The following BRIP1 variants were observed in gnomAD, a reference collection of about 807,000 sequenced individuals.
BRIP1 encodes BRCA1 interacting DNA helicase 1, also known as Fanconi anemia group J protein.
Under a neutral mutation model 119.7 loss-of-function variants are expected in BRIP1, and 88 were observed. That is an observed-to-expected ratio of 0.74 (90% CI 0.62 to 0.88). The LOEUF (loss-of-function observed/expected upper bound fraction) is 0.88. BRIP1 is among the 40% of genes least tolerant of loss of function. The pLI is 0.00. For synonymous variants in BRIP1, 443 were observed against 496.5 expected (o/e 0.89, Z 1.43); for missense variants, 1,259 against 1,455.4 (o/e 0.87, Z 2.20).
At chr17:61,779,736 AT>A (rs1032532459) in intron 13 of BRIP1, among the ~76,000 whole-genome samples, 1 of 152,142 alleles carries the variant, frequency 6.6e-6, no homozygotes, top group African/African-American at 2.4e-5. Context: ...CAAGTGCATC[AT>A]TTGAGGGCAG....
intron 10 of BRIP1, among the ~76,000 whole-genome samples, chr17:61,792,222 A>G (rs2077829107): frequency 6.6e-6 from 1 of 152,210 alleles, no homozygotes. Context: ...CTGGGACTAC[A>G]GGCGCATACC....
Position 61,686,286 on chromosome 17 carries a change from A to G in BRIP1, c.2576-121T>C. The G allele has an allele frequency of 1.1e-6, 1 of 892,658 alleles. No individual in the cohort carries two copies. Among genetic ancestry groups the G allele is most frequent in the Non-Finnish European group, 1.8e-6 (1 of 557,930 alleles). 55.3% of individuals were successfully genotyped at this position (892,658 alleles called of 1,614,324 possible). ...CTAATTTGTATTTTGAATATACAGA[A>G]TGGTTCTCCATATGTTTTTTCTGCA... On this transcript the variant is annotated intron_variant, in intron 18 of 19. Coordinates refer to ENST00000259008, the MANE Select transcript of BRIP1 (RefSeq NM_032043.3). This position sits in a 1 kb window ranked among gnomAD's most constrained non-coding sequence, Gnocchi z 5.4.
At position 61,705,699 on chromosome 17, in the gene BRIP1, C is replaced by T. The variant is rs1403959192; in HGVS notation, c.2492+10252G>A. Among the ~76,000 whole-genome samples the T allele has an allele frequency of 6.6e-6, 1 of 152,034 alleles. No individual in the cohort carries two copies. Among genetic ancestry groups the T allele is most frequent in the Non-Finnish European group, 1.5e-5 (1 of 67,974 alleles). The stretch of plus-strand genomic sequence containing the variant: ...AATAAGCATTTAATGACATAAATAT[C>T]CATCTGAGCACTGCTTTAGCTGCAG... On this transcript the variant is annotated intron_variant, in intron 17 of 19. Transcript: ENST00000259008. The surrounding 1 kb of genome is among the most constrained non-coding windows in gnomAD (Gnocchi z 5.0).
At chr17:61,692,040 A>T (rs1170709850) in intron 18 of BRIP1, among the ~76,000 whole-genome samples, 1 of 152,184 alleles carries the variant, frequency 6.6e-6, no homozygotes, top group Non-Finnish European at 1.5e-5. Flanking sequence ...TCATGTTGAA[A>T]TGTGTTCCCC....
Position 61,743,209 on chromosome 17 carries a change from T to A in BRIP1, c.2258-75A>T, listed in dbSNP as rs1358601773. ...CTTGTCATTTTGAAAATACCTGATT[T>A]ATAATTATAGTAATTACAGTAGCAA... On this transcript the variant is annotated intron_variant, in intron 15 of 19. Transcript: ENST00000259008. This position sits in a 1 kb window ranked among gnomAD's most constrained non-coding sequence, Gnocchi z 4.3. 1 of 1,514,380 alleles carries A rather than the reference T, an allele frequency of 6.6e-7. No individual in the cohort carries two copies. Among genetic ancestry groups the A allele is most frequent in the East Asian group, 2.3e-5 (1 of 42,812 alleles). The allele number at this position is 1,514,380 out of a possible 1,614,324, so 93.8% of individuals were successfully genotyped here. A position where few individuals can be genotyped will look rare whatever the true frequency, so the allele number is the denominator to read the frequency against.
chr17:61,719,183 C>A (rs184008493), intron 16 of BRIP1, among the ~76,000 whole-genome samples: 42 of 148,772 alleles, frequency 2.8e-4, no homozygotes, highest in African/African-American at 9.0e-4. Context: ...ATTGCCCCCC[C>A]CCCATGTTTA....
At chr17:61,719,540 C>G (rs752333109) in intron 16 of BRIP1, among the ~76,000 whole-genome samples, 1 of 151,622 alleles carries the variant, frequency 6.6e-6, no homozygotes, top group Non-Finnish European at 1.5e-5. Context: ...CTGGCTAACA[C>G]GGTGAAATCC....
In BRIP1 at chr17:61,684,001, T is replaced by C. The variant is rs1555572892; in HGVS notation, c.3045A>G (p.Lys1015=). 6.2e-7 allele frequency: 1 copy of C among 1,614,020 alleles called. No homozygotes were observed. The highest frequency in any genetic ancestry group is 1.3e-5 in the African/African-American group (1 of 74,906). The change falls in exon 20 of 20, where the codon AAA becomes AAG. Residue 1015 remains lysine (K), a synonymous_variant. Transcript: ENST00000259008. This position sits in a 1 kb window ranked among gnomAD's most constrained non-coding sequence, Gnocchi z 4.5. ...FNSLGQYFTG[K]IPKATPELGS... ...CGAGCTCAGGTGTTGCCTTCGGTAT[T>C]TTACCAGTAAAATACTGTCCCAAAG...
Position 61,709,994 on chromosome 17 carries a change from C to T in BRIP1, c.2492+5957G>A, listed in dbSNP as rs991392578. On this transcript the variant is annotated intron_variant, in intron 17 of 19. Transcript: ENST00000259008. The surrounding 1 kb of genome is among the most constrained non-coding windows in gnomAD (Gnocchi z 5.0). ...AGCACCTTTTCTGTCAATCAATATA[C>T]ATTATGAGTTTTATTAAATAACATA... is the stretch of plus-strand genomic sequence containing the variant. Among the ~76,000 whole-genome samples, 3 of 152,072 alleles carry T rather than the reference C, an allele frequency of 2.0e-5. No individual in the cohort carries two copies. The highest frequency in any genetic ancestry group is 2.0e-4 in the Admixed American group (3 of 15,282).
chr17:61,715,916 A>T (rs747748930), intron 17 of BRIP1, 35 bp downstream of exon 17: 7 of 1,346,018 alleles, frequency 5.2e-6, no homozygotes, highest in Non-Finnish European at 6.4e-6. Flanking sequence ...TAGCCCTGTC[A>T]CAGATAATAT....
At position 61,734,410 on chromosome 17, in the gene BRIP1, C is replaced by T. The variant is rs185396886; in HGVS notation, c.2379+8603G>A. ...GAAAGTTTTCTTTTTAACTATTATA[C>T]GATTAAGTATATCCTTATGAATGAT... On this transcript the variant is annotated intron_variant, in intron 16 of 19. Coordinates refer to ENST00000259008, the MANE Select transcript of BRIP1 (RefSeq NM_032043.3). The surrounding 1 kb of genome is among the most constrained non-coding windows in gnomAD (Gnocchi z 5.2). Among the ~76,000 whole-genome samples the T allele has an allele frequency of 5.3e-5, 8 of 152,192 alleles. No individual in the cohort carries two copies. The East Asian group carries it at 5.8e-4, about 11-fold the overall frequency.
At chr17:61,727,068 T>C (rs1254708008) in intron 16 of BRIP1, among the ~76,000 whole-genome samples, 1 of 152,144 alleles carries the variant, frequency 6.6e-6, no homozygotes, top group Non-Finnish European at 1.5e-5. Flanking sequence ...ATTAAGAGGA[T>C]TTAATAAGGG....
rs561586050 is a variant in BRIP1, at chr17:61,680,104, A to G, written c.*3192T>C. ...ACGCCTGTAATCCCAACACTTTGGGAGGCCGAGGTGGGCAGATCACTTGAG... is the reference window on the plus strand; with the variant it reads ...ACGCCTGTAATCCCAACACTTTGGGGGGCCGAGGTGGGCAGATCACTTGAG... On this transcript the variant is annotated 3_prime_UTR_variant, in exon 20 of 20. Transcript: ENST00000259008. Among the ~76,000 whole-genome samples the G allele has an allele frequency of 4.0e-5, 6 of 150,964 alleles. No homozygotes were observed. The highest frequency in any genetic ancestry group is 1.5e-4 in the African/African-American group (6 of 41,208).
At chr17:61,786,815 TATATAA>T (rs943698836) in intron 10 of BRIP1, among the ~76,000 whole-genome samples, 13 of 129,834 alleles carry the variant, frequency 1.0e-4, no homozygotes, top group African/African-American at 2.0e-4. Flanking sequence ...TTATATATTT[TATATAA>T]ATATATTTTA....
rs1041279054 is a variant in BRIP1 at position 61,843,951 on chromosome 17, G to A, written c.627+3150C>T. 1.2e-4 allele frequency among the ~76,000 whole-genome samples: 18 copies of A among 151,378 alleles called. No homozygotes were observed. The highest frequency in any genetic ancestry group is 3.3e-4 in the Admixed American group (5 of 15,200). ...TTTTTTATTTTTTTTTAGAGACAGG[G>A]TCTCGCTCTGTCACCCAGACTGGAG... On this transcript the variant is annotated intron_variant, in intron 6 of 19. Transcript: ENST00000259008. The surrounding 1 kb of genome is among the most constrained non-coding windows in gnomAD (Gnocchi z 5.7).
chr17:61,736,456 G>A lies in BRIP1; in HGVS notation c.2379+6557C>T, dbSNP rs576483375. On this transcript the variant is annotated intron_variant, in intron 16 of 19. Transcript: ENST00000259008. The surrounding 1 kb of genome is among the most constrained non-coding windows in gnomAD (Gnocchi z 4.4). ...AAATAAAGTGTAAGATGCTGTTGAG[G>A]ATTGAGCATTCCCTTCTACATATCC... Among the ~76,000 whole-genome samples, 3 of 152,218 alleles carry A rather than the reference G, an allele frequency of 2.0e-5. No individual in the cohort carries two copies. The East Asian group carries it at 5.8e-4, about 29-fold the overall frequency.
At chr17:61,763,365 A>G (rs2077305827) in intron 14 of BRIP1, among the ~76,000 whole-genome samples, 1 of 152,054 alleles carries the variant, frequency 6.6e-6, no homozygotes, top group Non-Finnish European at 1.5e-5. Context: ...TATACTGTCC[A>G]CTCAATTTTG....
intron 8 of BRIP1, 106 bp downstream of exon 8, chr17:61,801,147 T>C: frequency 1.0e-6 from 1 of 968,910 alleles, no homozygotes; most frequent in Non-Finnish European, 1.5e-6. Context: ...CAAATTTATT[T>C]ACATAAATTA....
rs2077135469 is a variant in BRIP1, at chr17:61,751,839, G to C, written c.2098-7248C>G. 6.6e-6 allele frequency among the ~76,000 whole-genome samples: 1 copy of C among 152,014 alleles called. No individual in the cohort carries two copies. Among genetic ancestry groups the C allele is most frequent in the Admixed American group, 6.6e-5 (1 of 15,264 alleles). On this transcript the variant is annotated intron_variant, in intron 14 of 19. Coordinates refer to ENST00000259008, the MANE Select transcript of BRIP1 (RefSeq NM_032043.3). The surrounding 1 kb of genome is among the most constrained non-coding windows in gnomAD (Gnocchi z 6.7). ...GCTGGAGTACAGTGGTGCGATCTCG[G>C]CTCACTGAAATCTCCGCCTCCTGAG...
Sources: gnomAD v4.1 joint callset for allele counts (sites outside exome capture counted in the v4.1 genomes callset) on GRCh38, gnomAD v4.1.1 for gene constraint, Gnocchi (gnomAD v3.1) non-coding constraint, MANE v1.5 for transcripts, NCBI Gene and HGNC (gene_info 2026-07-23, HGNC 2026-07-21) for gene names.